UTP25: variants seen among roughly 807,000 people sequenced by gnomAD.
UTP25 encodes the protein U3 small nucleolar RNA-associated protein 25 homolog.
UTP25 carries 50 observed loss-of-function variants against 78.9 expected under a neutral mutation model. The observed-to-expected ratio is 0.63, with a 90% CI of 0.50 to 0.80. UTP25 has a LOEUF of 0.80. Ranked by LOEUF, UTP25 falls within the 30% of genes least tolerant of loss-of-function variation. The pLI, the probability that UTP25 is intolerant of heterozygous loss-of-function variation, is 0.00. For synonymous variants in UTP25, 329 were observed against 336.5 expected (o/e 0.98, Z 0.24); for missense variants, 846 against 911.3 (o/e 0.93, Z 0.92).
intron 5 of UTP25, among the ~76,000 whole-genome samples, chr1:209,835,791 C>T (rs2078129544): frequency 6.6e-6 from 1 of 152,150 alleles, no homozygotes; most frequent in Non-Finnish European, 1.5e-5. Context: ...GCCCAGTTTT[C>T]CTCAGTGGTG....
At chr1:209,833,855 G>T (rs922328621) in intron 4 of UTP25, among the ~76,000 whole-genome samples, 1 of 152,060 alleles carries the variant, frequency 6.6e-6, no homozygotes, top group Non-Finnish European at 1.5e-5. Flanking sequence ...TGACCAAATG[G>T]CAGTCACGTG....
chr1:209,844,378 C>T (rs2078183590), intron 11 of UTP25: 1 of 152,154 alleles, frequency 6.6e-6, no homozygotes, highest in African/African-American at 2.4e-5. Context: ...CACCTGTAAT[C>T]CCAGCACTTT....
chr1:209,832,163 TA>T (rs1295414577), intron 3 of UTP25, among the ~76,000 whole-genome samples: 3 of 151,966 alleles, frequency 2.0e-5, no homozygotes, highest in Non-Finnish European at 4.4e-5. Flanking sequence ...ATTATAAAAA[TA>T]ATATATATTT....
intron 11 of UTP25, among the ~76,000 whole-genome samples, chr1:209,846,384 G>GT (rs2102580529): frequency 6.6e-6 from 1 of 152,264 alleles, no homozygotes; most frequent in African/African-American, 2.4e-5. Flanking sequence ...TTTCCAGTGC[G>GT]TTATCAGTGG....
rs1305699248 is a variant in UTP25 at position 209,830,108 on chromosome 1, G to T, written c.108G>T (p.Arg36Ser). The change falls in exon 2 of 12, where the codon AGG becomes AGT. Residue 36 changes from arginine (R) to serine (S), a missense_variant and splice_region_variant. Coordinates refer to ENST00000491415, the MANE Select transcript of UTP25 (RefSeq NM_014388.7). ...DFGEEHPFYD[R>S]VSRKEAKPQI... ...TGTAACATTGCCTGTTTCTTTTTAG[G>T]GTTTCCAGAAAGGAAGCAAAGCCAC... is the stretch of plus-strand genomic sequence containing the variant. The T allele has an allele frequency of 2.5e-6, 4 of 1,610,672 alleles. No individual in the cohort carries two copies. The East Asian group carries it at 6.7e-5, about 27-fold the overall frequency.
intron 1 of UTP25, 51 bp from the exon 2 acceptor site, chr1:209,830,057 T>C (rs599649): frequency 0.72 from 1,104,629 of 1,525,828 alleles, 404,910 homozygotes; most frequent in Non-Finnish European, 0.76. Context: ...GACCTTTTCC[T>C]AATTTCTACA....
In UTP25 at chr1:209,850,750, A is replaced by C. The variant is rs528590288; in HGVS notation, c.2028-454A>C. On this transcript the variant is annotated intron_variant, in intron 11 of 11. Transcript: ENST00000491415. ...GGAGTTAACATGTATCCAGAGTGGC[A>C]AGAAAAGACTAATGGGAGTGTATTT... Among the ~76,000 whole-genome samples, 7 of 152,350 alleles carry C rather than the reference A, an allele frequency of 4.6e-5. 1 individual carries two copies. In the South Asian group the frequency reaches 1.4e-3, roughly 32 times the overall value.
intron 5 of UTP25, among the ~76,000 whole-genome samples, chr1:209,835,577 CTGT>C (rs2078128698): frequency 6.6e-6 from 1 of 152,148 alleles, no homozygotes; most frequent in Non-Finnish European, 1.5e-5. Context: ...GTAGGTACTA[CTGT>C]TGTTCATTTG....
In UTP25 at chr1:209,842,602, C is replaced by T. The variant is rs761706960; in HGVS notation, c.1688C>T (p.Pro563Leu). 11 of 1,613,760 alleles carry T rather than the reference C, an allele frequency of 6.8e-6. No individual in the cohort carries two copies. The highest frequency in any genetic ancestry group is 9.3e-6 in the Non-Finnish European group (11 of 1,179,938). ...MQGQVAVRNV[P>L]MTGSISHVLV... ...TGGCAGGTGGCCGTGAGGAATGTCCCAATGACAGGCTCTATCAGTCATGTC... is the reference window on the plus strand; with the variant it reads ...TGGCAGGTGGCCGTGAGGAATGTCCTAATGACAGGCTCTATCAGTCATGTC... Residue 563 changes from proline (P) to leucine (L), a missense_variant, in exon 10 of 12, where the codon CCA becomes CTA. Physicochemically the swap from Pro to Leu is moderately conservative, Grantham distance 98 (BLOSUM62 -3). Coordinates refer to ENST00000491415, the MANE Select transcript of UTP25 (RefSeq NM_014388.7).
At chr1:209,829,188 T>C (rs1243933068) in intron 1 of UTP25, among the ~76,000 whole-genome samples, 2 of 152,224 alleles carry the variant, frequency 1.3e-5, no homozygotes, top group Non-Finnish European at 2.9e-5. Context: ...ATCCGGGTAA[T>C]TAGCATATTC....
chr1:209,832,922 C>T (rs4844903), intron 3 of UTP25, among the ~76,000 whole-genome samples: 103,701 of 151,944 alleles, frequency 0.68, 36,090 homozygotes, highest in Non-Finnish European at 0.75. Flanking sequence ...TCCAAAAATA[C>T]CCTCGCAGAA....
At position 209,833,244 on chromosome 1, in the gene UTP25, T is replaced by A; in HGVS notation, c.448T>A (p.Ser150Thr). The stretch of plus-strand genomic sequence containing the variant: ...AGATGGGGAAGAGCCACCGGGCACA[T>A]CACAAACATCCCCCGAAGAGTTCAC... ...KEDGEEPPGT[S>T]QTSPEEFTDA... Residue 150 changes from serine to threonine, a missense_variant, in exon 4 of 12, where the codon TCA becomes ACA. Transcript: ENST00000491415. The A allele has an allele frequency of 6.2e-7, 1 of 1,613,946 alleles. No homozygotes were observed. Among genetic ancestry groups the A allele is most frequent in the South Asian group, 1.1e-5 (1 of 91,072 alleles).
At chr1:209,840,821 T>C (rs760058947) in intron 7 of UTP25, 32 bp from the exon 8 acceptor site, 5 of 1,609,176 alleles carry the variant, frequency 3.1e-6, no homozygotes, top group Non-Finnish European at 4.2e-6. Context: ...TAGTGACTAA[T>C]GAATTGGTGT....
At chr1:209,829,720 A>T (rs1305878154) in intron 1 of UTP25, among the ~76,000 whole-genome samples, 3 of 152,068 alleles carry the variant, frequency 2.0e-5, no homozygotes, top group Non-Finnish European at 4.4e-5. Context: ...TCCTGGGCTC[A>T]AGTGATTCTC....
chr1:209,856,891 CAG>C lies in UTP25; in HGVS notation c.*5445_*5446del, dbSNP rs1437006681. The C allele has an allele frequency of 1.3e-5, 2 of 152,224 alleles. No individual in the cohort carries two copies. Among genetic ancestry groups the C allele is most frequent in the Admixed American group, 6.5e-5 (1 of 15,286 alleles). 9.4% of individuals were successfully genotyped at this position (152,224 alleles called of 1,614,324 possible). A position where few individuals can be genotyped will look rare whatever the true frequency, so the allele number is the denominator to read the frequency against. ...TGTCTTCTCATAAGATTTATAGAAA[CAG>C]TGATCGTTGCAGAAAAATAATTAGC... On this transcript the variant is annotated 3_prime_UTR_variant, in exon 12 of 12. Coordinates refer to ENST00000491415, the MANE Select transcript of UTP25 (RefSeq NM_014388.7).
At chr1:209,836,509 A>C (rs2078133789) in intron 5 of UTP25, among the ~76,000 whole-genome samples, 2 of 152,358 alleles carry the variant, frequency 1.3e-5, no homozygotes, top group Middle Eastern at 3.4e-3. Context: ...TCCACAGAAC[A>C]GTGTGGGACA....
rs2078238562 is a variant in UTP25 at position 209,851,547 on chromosome 1, C to A, written c.*100C>A. The A allele has an allele frequency of 1.4e-6, 2 of 1,425,734 alleles. No homozygotes were observed. The highest frequency in any genetic ancestry group is 4.9e-5 in the Admixed American group (2 of 40,694). The allele number at this position is 1,425,734 out of a possible 1,614,324, so 88.3% of individuals were successfully genotyped here. ...ATTACTTACAGAAGAAGGACTGATACAAAGAAAGTGCATGAGGCAATGTCA... is the reference window on the plus strand; with the variant it reads ...ATTACTTACAGAAGAAGGACTGATAAAAAGAAAGTGCATGAGGCAATGTCA... On this transcript the variant is annotated 3_prime_UTR_variant, in exon 12 of 12. Transcript: ENST00000491415.
rs1307149028 is a variant in UTP25, at chr1:209,856,477, G to T, written c.*5030G>T. 1 of 152,214 alleles carries T rather than the reference G, an allele frequency of 6.6e-6. No homozygotes were observed. Among genetic ancestry groups the T allele is most frequent in the African/African-American group, 2.4e-5 (1 of 41,436 alleles). 9.4% of individuals were successfully genotyped at this position (152,214 alleles called of 1,614,324 possible). ...CGCAGAAGTGATGGCTGAAGCTCCT[G>T]AGGCTATAAGCTCTGTACGTAGGAG... On this transcript the variant is annotated 3_prime_UTR_variant, in exon 12 of 12. Coordinates refer to ENST00000491415, the MANE Select transcript of UTP25 (RefSeq NM_014388.7).
At position 209,837,004 on chromosome 1, in the gene UTP25, T is replaced by A; in HGVS notation, c.855T>A (p.Ile285=). 1.2e-6 allele frequency: 2 copies of A among 1,614,110 alleles called. No homozygotes were observed. Among genetic ancestry groups the A allele is most frequent in the Non-Finnish European group, 8.5e-7 (1 of 1,180,010 alleles). ...FTPLQKELFL[I]MNSYRDLFYP... is the part of the protein sequence containing the mutation. ...CCCTCCAGAAAGAACTCTTCTTAAT[T>A]ATGAATTCTTACCGGGACCTGTTCT... The change falls in exon 6 of 12, where the codon ATT becomes ATA. Residue 285 remains isoleucine, a synonymous_variant. Coordinates refer to ENST00000491415, the MANE Select transcript of UTP25 (RefSeq NM_014388.7).
Sources: allele counts gnomAD v4.1 joint callset (sites outside exome capture counted in the v4.1 genomes callset), GRCh38; gene constraint gnomAD v4.1.1; transcripts MANE v1.5; gene names NCBI Gene and HGNC (gene_info 2026-07-23, HGNC 2026-07-21).